The following MYBPC1 variants were observed in gnomAD, a reference collection of about 807,000 sequenced individuals.
MYBPC1 encodes myosin-binding protein C, slow-type.
In MYBPC1, 52 loss-of-function variants were observed where a neutral mutation model predicts 147.1. The ratio of observed to expected loss-of-function variants is 0.35; its 90% confidence interval spans 0.28 to 0.45. The LOEUF is 0.45. MYBPC1 is among the 20% of genes least tolerant of loss of function. The pLI is 1.00. For synonymous variants in MYBPC1, 477 were observed against 475.9 expected (o/e 1.00, Z -0.03); for missense variants, 1,228 against 1,440.3 (o/e 0.85, Z 2.39).
intron 30 of MYBPC1, 113 bp downstream of exon 30, chr12:101,682,775 C>A: frequency 1.0e-6 from 1 of 992,606 alleles, no homozygotes; most frequent in East Asian, 2.6e-5. Context: ...AATTGTACCC[C>A]TTAGCAGCTC....
chr12:101,611,143 G>T (rs936371612), intron 1 of MYBPC1, among the ~76,000 whole-genome samples: 1 of 152,118 alleles, frequency 6.6e-6, no homozygotes, highest in Admixed American at 6.6e-5. Context: ...TTTACAGGCC[G>T]GTATACATTT....
chr12:101,666,643 C>A, intron 22 of MYBPC1: 2 of 1,155,402 alleles, frequency 1.7e-6, no homozygotes, highest in Non-Finnish European at 1.3e-6. Flanking sequence ...TCTTTGCACA[C>A]TTTGCATACT....
intron 1 of MYBPC1, among the ~76,000 whole-genome samples, chr12:101,604,465 G>A (rs1452901045): frequency 6.6e-6 from 1 of 152,178 alleles, no homozygotes; most frequent in African/African-American, 2.4e-5. Flanking sequence ...GGATTAAATT[G>A]ATTGAATCAT....
In MYBPC1 at chr12:101,595,115, C is replaced by A. The variant is rs746398802; in HGVS notation, c.25+20C>A. 1.2e-6 allele frequency: 2 copies of A among 1,602,824 alleles called. No individual in the cohort carries two copies. The highest frequency in any genetic ancestry group is 8.5e-7 in the Non-Finnish European group (1 of 1,169,922). On this transcript the variant is annotated intron_variant, in intron 1 of 31. Coordinates refer to ENST00000361466, the MANE Select transcript of MYBPC1 (RefSeq NM_002465.4). ...AAGAGGGTAAGACTTATCTAGAAAT[C>A]TTTTTGTTGTACTCCTGAATAAAGT...
chr12:101,672,791 T>C (rs916474770), intron 24 of MYBPC1, among the ~76,000 whole-genome samples: 1 of 152,076 alleles, frequency 6.6e-6, no homozygotes, highest in Non-Finnish European at 1.5e-5. Context: ...GAGGTTGCAG[T>C]GAGCCAAGAT....
chr12:101,614,214 T>C (rs1212910253), intron 1 of MYBPC1, among the ~76,000 whole-genome samples: 2 of 152,102 alleles, frequency 1.3e-5, no homozygotes, highest in Non-Finnish European at 2.9e-5. Flanking sequence ...CCATTCTACC[T>C]TTATCTTTCC....
At chr12:101,604,095 C>T (rs1881205539) in intron 1 of MYBPC1, among the ~76,000 whole-genome samples, 1 of 152,116 alleles carries the variant, frequency 6.6e-6, no homozygotes, top group South Asian at 2.1e-4. Context: ...AAAACACACC[C>T]CATTTGATTC....
intron 10 of MYBPC1, among the ~76,000 whole-genome samples, chr12:101,640,320 T>C (rs1891784652): frequency 6.6e-6 from 1 of 152,192 alleles, no homozygotes; most frequent in South Asian, 2.1e-4. Flanking sequence ...CCTATACATA[T>C]ACATCATAAT....
rs184549109 is a variant in MYBPC1, at chr12:101,678,953, G to A, written c.3246+715G>A. On this transcript the variant is annotated intron_variant, in intron 28 of 31. Coordinates refer to ENST00000361466, the MANE Select transcript of MYBPC1 (RefSeq NM_002465.4). ...AGGCAGGCGGATCACTTGGTCAGGA[G>A]TTCGAGACCAGCCTGGGCAACATGG... Among the ~76,000 whole-genome samples the A allele has an allele frequency of 1.2e-3, 184 of 152,256 alleles. No homozygotes were observed. The East Asian group carries it at 0.03, about 25-fold the overall frequency.
At chr12:101,694,876 A>C in the MYBPC1 span, among the ~76,000 whole-genome samples, 1 of 152,200 alleles carries the variant, frequency 6.6e-6, no homozygotes, top group South Asian at 2.1e-4. Context: ...AATTACTTGA[A>C]AATACCAGTT....
chr12:101,662,743 T>G (rs1319505486), intron 21 of MYBPC1, among the ~76,000 whole-genome samples, 197 bp downstream of exon 21: 2 of 152,226 alleles, frequency 1.3e-5, no homozygotes, highest in Admixed American at 6.5e-5. Flanking sequence ...CTTCATAACA[T>G]AGGCCCTGGA....
intron 23 of MYBPC1, 64 bp downstream of exon 23, chr12:101,667,963 A>G (rs1045089718): frequency 6.4e-7 from 1 of 1,550,770 alleles, no homozygotes; most frequent in Admixed American, 1.9e-5. Flanking sequence ...TTTTCTTCAA[A>G]CTACTTTCTT....
downstream of MYBPC1, among the ~76,000 whole-genome samples, chr12:101,690,397 T>C (rs1328469230): frequency 6.6e-6 from 1 of 152,166 alleles, no homozygotes; most frequent in East Asian, 1.9e-4. Context: ...CTCCCAGATA[T>C]TGCTGATAAT....
intron 28 of MYBPC1, among the ~76,000 whole-genome samples, 167 bp downstream of exon 28, chr12:101,678,405 T>C (rs1214288166): frequency 4.6e-5 from 7 of 152,232 alleles, no homozygotes; most frequent in Admixed American, 3.3e-4. Context: ...TCAGATGTAG[T>C]AGTAAAAAAT....
At chr12:101,666,333 G>A (rs1367159887) in intron 22 of MYBPC1, 2 of 216,864 alleles carry the variant, frequency 9.2e-6, no homozygotes, top group Non-Finnish European at 1.9e-5. Flanking sequence ...TCCCCTGCTG[G>A]GGTGGCAGAG....
intron 1 of MYBPC1, among the ~76,000 whole-genome samples, chr12:101,596,929 T>A (rs1223346872): frequency 6.6e-6 from 1 of 152,214 alleles, no homozygotes; most frequent in Admixed American, 6.5e-5. Flanking sequence ...AGTGTAAATT[T>A]GGATGATGGG....
intron 18 of MYBPC1, among the ~76,000 whole-genome samples, chr12:101,658,021 G>C (rs1454977998): frequency 6.6e-6 from 1 of 151,616 alleles, no homozygotes. Context: ...GTCCCAGCTA[G>C]TCGGGAGGCT....
chr12:101,597,858 C>T (rs190898347), intron 1 of MYBPC1, among the ~76,000 whole-genome samples: 19 of 152,058 alleles, frequency 1.2e-4, no homozygotes, highest in African/African-American at 2.2e-4. Flanking sequence ...TAAGTTATTC[C>T]GATCAAATTG....
At chr12:101,641,115 G>GAAAAAA (rs34380289) in intron 10 of MYBPC1, among the ~76,000 whole-genome samples, 8 of 105,888 alleles carry the variant, frequency 7.6e-5, no homozygotes, top group East Asian at 2.6e-4. Flanking sequence ...CTGTCTCAAA[G>GAAAAAA]AAAAAAAAAA....
Sources: allele counts gnomAD v4.1 joint callset (sites outside exome capture counted in the v4.1 genomes callset), GRCh38; gene constraint gnomAD v4.1.1; transcripts MANE v1.5; gene names NCBI Gene and HGNC (gene_info 2026-07-23, HGNC 2026-07-21).